Variants in PDE10A observed in about 807,000 individuals in gnomAD.
PDE10A encodes the protein phosphodiesterase 10A.
Under a neutral mutation model 97.7 loss-of-function variants are expected in PDE10A, and 39 were observed. That is an observed-to-expected ratio of 0.40 (90% CI 0.31 to 0.52). The LOEUF is 0.52. Ranked by LOEUF, PDE10A falls within the 20% of genes least tolerant of loss-of-function variation. PDE10A has a pLI of 0.56. For synonymous variants in PDE10A, 371 were observed against 376.8 expected (o/e 0.98, Z 0.18); for missense variants, 731 against 1,047.8 (o/e 0.70, Z 4.17).
chr6:165,545,522 C>T (rs1387506796), intron 1 of PDE10A, among the ~76,000 whole-genome samples: 1 of 151,922 alleles, frequency 6.6e-6, no homozygotes, highest in African/African-American at 2.4e-5. Context: ...TGCCAAATTA[C>T]ATGAGATAAA....
At chr6:165,670,907 C>A (rs1018643267) in intron 1 of PDE10A, among the ~76,000 whole-genome samples, 5 of 152,192 alleles carry the variant, frequency 3.3e-5, no homozygotes, top group Non-Finnish European at 7.3e-5. Context: ...TAGAGTCTCA[C>A]AGTGTGCAGG....
intron 1 of PDE10A, among the ~76,000 whole-genome samples, chr6:165,812,085 C>T (rs577269907): frequency 2.4e-4 from 36 of 152,244 alleles, no homozygotes; most frequent in African/African-American, 8.7e-4. Flanking sequence ...ATCTCCTGAC[C>T]TCATGATCTG....
intron 1 of PDE10A, among the ~76,000 whole-genome samples, chr6:165,979,785 G>A (rs1458646884): frequency 1.3e-5 from 2 of 152,168 alleles, no homozygotes; most frequent in African/African-American, 4.8e-5. Flanking sequence ...TATAAAATGT[G>A]CGAAAGTCAC....
Position 165,388,208 on chromosome 6 carries a change from C to G in PDE10A, c.2610+90G>C, listed in dbSNP as rs537298191. Reference sequence around the variant, plus strand: ...AAAGTAGCTGTTGCTTTTAAGGAAGCCATAATGATCTTCCTTTTCCACCTA... The same window carrying G: ...AAAGTAGCTGTTGCTTTTAAGGAAGGCATAATGATCTTCCTTTTCCACCTA... On this transcript the variant is annotated intron_variant, in intron 17 of 21. Coordinates refer to ENST00000539869, the MANE Select transcript of PDE10A (RefSeq NM_001385079.1). This position sits in a 1 kb window ranked among gnomAD's most constrained non-coding sequence, Gnocchi z 4.0. The G allele has an allele frequency of 8.9e-6, 10 of 1,125,094 alleles. No individual in the cohort carries two copies. The South Asian group carries it at 1.4e-4, about 16-fold the overall frequency. 69.7% of individuals were successfully genotyped at this position (1,125,094 alleles called of 1,614,324 possible).
intron 1 of PDE10A, among the ~76,000 whole-genome samples, chr6:165,578,788 C>A (rs767808451): frequency 5.3e-5 from 8 of 152,190 alleles, no homozygotes; most frequent in African/African-American, 9.7e-5. Context: ...GCATCTATTG[C>A]GCCTCTGCTA....
intron 1 of PDE10A, among the ~76,000 whole-genome samples, chr6:165,721,396 A>G (rs1792164567): frequency 6.6e-6 from 1 of 152,156 alleles, no homozygotes; most frequent in Non-Finnish European, 1.5e-5. Flanking sequence ...ATTGCTTCTT[A>G]TTTGCTTCAA....
intron 2 of PDE10A, among the ~76,000 whole-genome samples, chr6:165,507,507 C>T (rs1781266766): frequency 6.6e-6 from 1 of 152,076 alleles, no homozygotes; most frequent in Admixed American, 6.6e-5. Flanking sequence ...ACCCCAGTAT[C>T]CAACTACACC....
At chr6:165,815,580 A>C (rs1009852543) in intron 1 of PDE10A, among the ~76,000 whole-genome samples, 1 of 152,186 alleles carries the variant, frequency 6.6e-6, no homozygotes, top group Admixed American at 6.5e-5. Context: ...GCAGAACTGC[A>C]TGGGGTCGGC....
chr6:165,609,883 T>G (rs1787406470), intron 1 of PDE10A, among the ~76,000 whole-genome samples: 1 of 152,134 alleles, frequency 6.6e-6, no homozygotes, highest in Non-Finnish European at 1.5e-5. Context: ...GGAAGAACAT[T>G]CCATGCTCAT....
chr6:165,588,407 C>T (rs1786052856), intron 1 of PDE10A, among the ~76,000 whole-genome samples: 1 of 149,800 alleles, frequency 6.7e-6, no homozygotes, highest in Non-Finnish European at 1.5e-5. Context: ...TCTCCTGCCT[C>T]AGCCTCTAGA....
At chr6:165,981,325 C>T (rs182836347) in intron 1 of PDE10A, among the ~76,000 whole-genome samples, 2,315 of 141,006 alleles carry the variant, frequency 0.016, 56 homozygotes, top group African/African-American at 0.054. Context: ...AATTACCCCT[C>T]ATTTGGTTCC....
upstream of PDE10A, among the ~76,000 whole-genome samples, chr6:165,663,690 G>T (rs138859474): frequency 6.6e-6 from 1 of 152,282 alleles, no homozygotes; most frequent in Non-Finnish European, 1.5e-5. Flanking sequence ...ACTCCCTTTC[G>T]CATACTCACT....
At chr6:165,474,692 T>G (rs563063937) in intron 3 of PDE10A, among the ~76,000 whole-genome samples, 1 of 152,034 alleles carries the variant, frequency 6.6e-6, no homozygotes, top group South Asian at 2.1e-4. Context: ...AAAAATCCAT[T>G]TTACGCAACT....
intron 1 of PDE10A, among the ~76,000 whole-genome samples, chr6:165,599,339 C>G (rs563953427): frequency 6.6e-6 from 1 of 152,228 alleles, no homozygotes. Context: ...CTCACTCCCT[C>G]GCAATAGGTA....
chr6:165,478,256 G>A (rs1443418801), intron 3 of PDE10A, among the ~76,000 whole-genome samples: 2 of 152,034 alleles, frequency 1.3e-5, no homozygotes, highest in African/African-American at 4.8e-5. Context: ...AAAAAAGTTG[G>A]GAGTCATTAC....
At chr6:165,874,689 T>C (rs1256735576) in intron 1 of PDE10A, among the ~76,000 whole-genome samples, 1 of 152,200 alleles carries the variant, frequency 6.6e-6, no homozygotes, top group African/African-American at 2.4e-5. Context: ...TTATTCACAA[T>C]TGAAATTGGG....
intron 5 of PDE10A, among the ~76,000 whole-genome samples, chr6:165,443,284 G>T (rs1000218867): frequency 1.3e-5 from 2 of 152,034 alleles, no homozygotes; most frequent in East Asian, 1.9e-4. Context: ...AAACAAATGG[G>T]GTACAGGCCC....
chr6:165,772,735 C>G, intron 1 of PDE10A, among the ~76,000 whole-genome samples: 1 of 152,058 alleles, frequency 6.6e-6, no homozygotes, highest in East Asian at 1.9e-4. Flanking sequence ...AAAGTTTATG[C>G]CCGTTGATTT....
intron 2 of PDE10A, among the ~76,000 whole-genome samples, chr6:165,528,329 C>T (rs937846272): frequency 1.3e-5 from 2 of 152,166 alleles, no homozygotes; most frequent in Admixed American, 1.3e-4. Flanking sequence ...GCCTCTTTCC[C>T]CAGCCACCCC....
Sources: gnomAD v4.1 joint callset for allele counts (sites outside exome capture counted in the v4.1 genomes callset) on GRCh38, gnomAD v4.1.1 for gene constraint, Gnocchi (gnomAD v3.1) non-coding constraint, MANE v1.5 for transcripts, NCBI Gene and HGNC (gene_info 2026-07-23, HGNC 2026-07-21) for gene names.